Variants in PTPRK observed in about 807,000 individuals in gnomAD.
PTPRK encodes receptor-type tyrosine-protein phosphatase kappa.
A neutral mutation model predicts 178.0 loss-of-function variants in PTPRK; 75 were observed. The ratio of observed to expected loss-of-function variants is 0.42; its 90% CI spans 0.35 to 0.51. PTPRK has a LOEUF of 0.51. Ranked by LOEUF, PTPRK falls within the 20% of genes least tolerant of loss-of-function variation. The pLI is 0.02. For synonymous variants in PTPRK, 637 were observed against 620.6 expected (o/e 1.03, Z -0.39); for missense variants, 1,441 against 1,797.8 (o/e 0.80, Z 3.59).
At chr6:128,105,685 CACTA>C (rs1033733268) in intron 7 of PTPRK, among the ~76,000 whole-genome samples, 4 of 152,312 alleles carry the variant, frequency 2.6e-5, no homozygotes, top group South Asian at 4.1e-4. Context: ...AGATGCCCTG[CACTA>C]ACTAAGTTTA....
chr6:128,255,789 C>A (rs1257026439), intron 3 of PTPRK, among the ~76,000 whole-genome samples: 2 of 152,204 alleles, frequency 1.3e-5, no homozygotes, highest in African/African-American at 4.8e-5. Context: ...AGAGCTCCTG[C>A]AGGTGATACT....
rs534608403 is a variant in PTPRK, at chr6:128,359,601, A to C, written c.224-37291T>G. ...ACCCCACCTCTACTAAAAATACAAAAAGTAGCCAGGTGTGGTGGCAAGCGC... is the reference window on the plus strand; with the variant it reads ...ACCCCACCTCTACTAAAAATACAAACAGTAGCCAGGTGTGGTGGCAAGCGC... On this transcript the variant is annotated intron_variant, in intron 2 of 29. Transcript: ENST00000368226. Among the ~76,000 whole-genome samples, 35 of 151,648 alleles carry C rather than the reference A, an allele frequency of 2.3e-4. 1 individual carries two copies. The highest frequency in any genetic ancestry group is 7.0e-4 in the African/African-American group (29 of 41,358).
At chr6:128,086,750 G>C (rs142698791) in intron 8 of PTPRK, among the ~76,000 whole-genome samples, 43 of 152,206 alleles carry the variant, frequency 2.8e-4, no homozygotes, top group African/African-American at 9.9e-4. Context: ...TTTGAAGACA[G>C]AGTTACTTGC....
At chr6:128,461,085 T>C (rs1848997032) in intron 1 of PTPRK, among the ~76,000 whole-genome samples, 1 of 152,232 alleles carries the variant, frequency 6.6e-6, no homozygotes, top group South Asian at 2.1e-4. Context: ...TTTCATTTCT[T>C]ATAATGGACC....
chr6:128,207,543 TAG>T (rs1807196302), intron 6 of PTPRK, among the ~76,000 whole-genome samples: 1 of 152,138 alleles, frequency 6.6e-6, no homozygotes, highest in Non-Finnish European at 1.5e-5. Context: ...AACACAAACA[TAG>T]ACAGATACAG....
chr6:128,004,827 C>A (rs1778237430), intron 15 of PTPRK: 1 of 361,018 alleles, frequency 2.8e-6, no homozygotes, highest in East Asian at 4.4e-5. Flanking sequence ...GTGCTATGGA[C>A]TGAGTGGTAT....
At chr6:128,151,764 T>G (rs1353266903) in intron 7 of PTPRK, among the ~76,000 whole-genome samples, 1 of 151,994 alleles carries the variant, frequency 6.6e-6, no homozygotes, top group Non-Finnish European at 1.5e-5. Flanking sequence ...GAAGTTTGAA[T>G]GGAGTGATCA....
intron 3 of PTPRK, among the ~76,000 whole-genome samples, chr6:128,299,054 C>A (rs1167630776): frequency 6.6e-6 from 1 of 152,144 alleles, no homozygotes; most frequent in African/African-American, 2.4e-5. Flanking sequence ...GCAAAAATCA[C>A]AAGCATTCTT....
chr6:128,121,899 A>G (rs1457980486), intron 7 of PTPRK, among the ~76,000 whole-genome samples: 1 of 152,108 alleles, frequency 6.6e-6, no homozygotes. Context: ...TAAAAAAATG[A>G]GTCAATATAG....
intron 7 of PTPRK, among the ~76,000 whole-genome samples, chr6:128,182,170 A>C (rs1481185215): frequency 2.0e-5 from 3 of 152,210 alleles, no homozygotes; most frequent in Non-Finnish European, 4.4e-5. Context: ...CAAGTGATTG[A>C]GCCTGAAAGC....
rs186828321 is a variant in PTPRK at position 128,520,408 on chromosome 6, G to A, written c.-50C>T. On this transcript the variant is annotated 5_prime_UTR_variant, in exon 1 of 30. Coordinates refer to ENST00000368226, the MANE Select transcript of PTPRK (RefSeq NM_002844.4). ...CAGCTTTGCAAAGAGCTGCCGGGGGGATCGCCGCGAAATCCACGACGGAGG... is the reference window on the plus strand; with the variant it reads ...CAGCTTTGCAAAGAGCTGCCGGGGGAATCGCCGCGAAATCCACGACGGAGG... The A allele has an allele frequency of 1.3e-4, 197 of 1,537,094 alleles. 1 individual carries two copies. The African/African-American group carries it at 1.6e-3, about 12-fold the overall frequency.
chr6:128,161,546 G>A (rs759775254), intron 7 of PTPRK, among the ~76,000 whole-genome samples: 60 of 151,550 alleles, frequency 4.0e-4, no homozygotes, highest in Non-Finnish European at 5.9e-4. Context: ...ATTCAAACTT[G>A]TTTAGTGCAA....
intron 2 of PTPRK, among the ~76,000 whole-genome samples, chr6:128,371,073 C>T (rs1304283020): frequency 1.3e-5 from 2 of 152,120 alleles, no homozygotes; most frequent in African/African-American, 4.8e-5. Flanking sequence ...AAACTGAATA[C>T]AGAGAAATAC....
At chr6:128,364,949 C>T (rs1386272169) in intron 2 of PTPRK, among the ~76,000 whole-genome samples, 3 of 152,054 alleles carry the variant, frequency 2.0e-5, no homozygotes, top group East Asian at 1.9e-4. Context: ...GTAATAGAGT[C>T]GATGACTTCA....
chr6:128,494,200 T>A (rs1854321398), intron 1 of PTPRK, among the ~76,000 whole-genome samples: 1 of 116,544 alleles, frequency 8.6e-6, no homozygotes, highest in Admixed American at 8.0e-5. Flanking sequence ...ACCCTGTATC[T>A]TAAAAAAAAA....
intron 21 of PTPRK, among the ~76,000 whole-genome samples, chr6:127,986,729 A>C (rs894168494): frequency 6.6e-6 from 1 of 152,190 alleles, no homozygotes; most frequent in East Asian, 1.9e-4. Flanking sequence ...ACTGTGAACT[A>C]TCTGTGAACT....
chr6:128,498,943 G>A (rs1319542070), intron 1 of PTPRK, among the ~76,000 whole-genome samples: 1 of 151,862 alleles, frequency 6.6e-6, no homozygotes, highest in African/African-American at 2.4e-5. Flanking sequence ...TATTTTTATT[G>A]GTCAAAATTA....
At chr6:128,171,913 ACT>A (rs1800320891) in intron 7 of PTPRK, among the ~76,000 whole-genome samples, 1 of 151,770 alleles carries the variant, frequency 6.6e-6, no homozygotes, top group African/African-American at 2.4e-5. Flanking sequence ...TCCAAATTTG[ACT>A]CTCTTAGAGC....
intron 1 of PTPRK, among the ~76,000 whole-genome samples, chr6:128,509,439 A>T (rs1430806985): frequency 6.6e-6 from 1 of 152,126 alleles, no homozygotes; most frequent in Non-Finnish European, 1.5e-5. Context: ...GCAATGTATC[A>T]CTTAAACATG....
Sources: gnomAD v4.1 joint callset for allele counts (sites outside exome capture counted in the v4.1 genomes callset) on GRCh38, gnomAD v4.1.1 for gene constraint, MANE v1.5 for transcripts, NCBI Gene and HGNC (gene_info 2026-07-23, HGNC 2026-07-21) for gene names.